The following MGAT5 variants were observed in gnomAD, a reference collection of about 807,000 sequenced individuals.
MGAT5 encodes the protein alpha-1,6-mannosylglycoprotein 6-beta-N-acetylglucosaminyltransferase, also known as alpha-1,6-mannosylglycoprotein 6-beta-N-acetylglucosaminyltransferase A.
A neutral mutation model predicts 94.3 loss-of-function variants in MGAT5; 30 were observed. The ratio of observed to expected loss-of-function variants is 0.32; its 90% confidence interval spans 0.24 to 0.43. MGAT5 has a LOEUF of 0.43. MGAT5 is among the 20% of genes least tolerant of loss of function. The pLI is 1.00. For synonymous variants in MGAT5, 310 were observed against 322.9 expected (o/e 0.96, Z 0.43); for missense variants, 691 against 905.5 (o/e 0.76, Z 3.04).
At chr2:134,341,548 T>C (rs1558806557) in intron 6 of MGAT5, 42 bp from the exon 7 acceptor site, 3 of 1,510,272 alleles carry the variant, frequency 2.0e-6, no homozygotes, top group South Asian at 1.3e-5. Context: ...GCCTTTTGTA[T>C]GTGGTTCAGT....
At chr2:134,401,419 T>C (rs560690926) in intron 10 of MGAT5, among the ~76,000 whole-genome samples, 1 of 152,250 alleles carries the variant, frequency 6.6e-6, no homozygotes, top group African/African-American at 2.4e-5. Flanking sequence ...TGCTACATCA[T>C]TCCTGGGCTG....
At chr2:134,184,553 A>T (rs985977883) in intron 1 of MGAT5, among the ~76,000 whole-genome samples, 1 of 152,030 alleles carries the variant, frequency 6.6e-6, no homozygotes, top group South Asian at 2.1e-4. Flanking sequence ...CATATGGGAG[A>T]TGTTTCTTCT....
Position 134,318,309 on chromosome 2 carries a change from G to C in MGAT5, c.484-341G>C, listed in dbSNP as rs528936865. On this transcript the variant is annotated intron_variant, in intron 3 of 15. Transcript: ENST00000281923. The stretch of plus-strand genomic sequence containing the variant: ...GCTGTTGGAACTGGAGTTCCTGGAG[G>C]GGGTGTAGATATCAGAGTCCCATTA... 8.2e-4 allele frequency among the ~76,000 whole-genome samples: 125 copies of C among 152,192 alleles called. 1 individual carries two copies. Among genetic ancestry groups the C allele is most frequent in the African/African-American group, 2.8e-3 (117 of 41,526 alleles).
intron 1 of MGAT5, among the ~76,000 whole-genome samples, chr2:134,126,950 TGAG>T (rs753202494): frequency 3.3e-5 from 5 of 151,958 alleles, no homozygotes; most frequent in Non-Finnish European, 5.9e-5. Flanking sequence ...TCCATGCCGG[TGAG>T]GAGTTTTCTG....
chr2:134,283,831 TG>T (rs905045160), intron 2 of MGAT5, among the ~76,000 whole-genome samples: 2 of 151,620 alleles, frequency 1.3e-5, no homozygotes, highest in African/African-American at 4.8e-5. Flanking sequence ...CCCCGGCCGC[TG>T]GGTTCTCTTT....
chr2:134,309,502 T>G (rs999776166), intron 2 of MGAT5, among the ~76,000 whole-genome samples: 1 of 152,204 alleles, frequency 6.6e-6, no homozygotes, highest in Non-Finnish European at 1.5e-5. Context: ...TTATAACTAT[T>G]TTAGTTGATG....
rs186159991 is a variant in MGAT5 at position 134,360,726 on chromosome 2, G to T, written c.1247-1549G>T. ...TCCCTATGCCCTCAGCTTCTCAAAA[G>T]GGGGGAGAAAAGCAACTATCGCCTC... On this transcript the variant is annotated intron_variant, in intron 9 of 15. Coordinates refer to ENST00000281923, the MANE Select transcript of MGAT5 (RefSeq NM_002410.5). Among the ~76,000 whole-genome samples, 496 of 152,300 alleles carry T rather than the reference G, an allele frequency of 3.3e-3. 3 individuals are homozygous for T. Among genetic ancestry groups the T allele is most frequent in the African/African-American group, 0.011 (457 of 41,560 alleles).
intron 4 of MGAT5, among the ~76,000 whole-genome samples, chr2:134,333,837 G>A (rs1688158280): frequency 6.6e-6 from 1 of 152,164 alleles, no homozygotes; most frequent in Non-Finnish European, 1.5e-5. Context: ...TATTGCCAAT[G>A]CTGGCTTTCT....
intron 10 of MGAT5, among the ~76,000 whole-genome samples, chr2:134,393,587 G>A (rs772781095): frequency 1.3e-5 from 2 of 152,186 alleles, no homozygotes; most frequent in Non-Finnish European, 1.5e-5. Flanking sequence ...ACCAGAAGGG[G>A]CATTGCAACC....
At chr2:134,400,623 G>A (rs1682987990) in intron 10 of MGAT5, among the ~76,000 whole-genome samples, 1 of 152,092 alleles carries the variant, frequency 6.6e-6, no homozygotes, top group African/African-American at 2.4e-5. Context: ...CTAATCTTGA[G>A]TCTGTCTACA....
intron 9 of MGAT5, among the ~76,000 whole-genome samples, chr2:134,356,708 C>T (rs913035445): frequency 7.2e-5 from 11 of 152,148 alleles, no homozygotes; most frequent in Non-Finnish European, 1.0e-4. Flanking sequence ...TCGCTTACTA[C>T]GCGGCTTTTT....
At chr2:134,394,752 T>C (rs1682611135) in intron 10 of MGAT5, among the ~76,000 whole-genome samples, 1 of 152,192 alleles carries the variant, frequency 6.6e-6, no homozygotes, top group Admixed American at 6.5e-5. Flanking sequence ...CCATGCAGTT[T>C]TCCAAAATTC....
At chr2:134,139,040 A>G (rs188262818) in intron 1 of MGAT5, among the ~76,000 whole-genome samples, 52 of 152,324 alleles carry the variant, frequency 3.4e-4, no homozygotes, top group Non-Finnish European at 4.0e-4. Context: ...CCTTCTGAAG[A>G]TGAGTTCTGC....
At chr2:134,217,709 T>G (rs1181923822) in intron 1 of MGAT5, among the ~76,000 whole-genome samples, 1 of 152,212 alleles carries the variant, frequency 6.6e-6, no homozygotes, top group Non-Finnish European at 1.5e-5. Context: ...GCTCACCTCC[T>G]GCTGTGGATT....
chr2:134,380,101 G>A (rs371406673), intron 10 of MGAT5, among the ~76,000 whole-genome samples: 7 of 152,322 alleles, frequency 4.6e-5, no homozygotes, highest in South Asian at 4.1e-4. Context: ...AGGTTTGCTT[G>A]GAGATTCCTT....
chr2:134,294,707 C>T (rs1332878800), intron 2 of MGAT5, among the ~76,000 whole-genome samples: 1 of 152,200 alleles, frequency 6.6e-6, no homozygotes, highest in East Asian at 1.9e-4. Flanking sequence ...ACTTTATGTT[C>T]TTAGCTCCCA....
At chr2:134,150,712 T>A (rs1284607223) in intron 1 of MGAT5, among the ~76,000 whole-genome samples, 2 of 152,232 alleles carry the variant, frequency 1.3e-5, no homozygotes, top group East Asian at 1.9e-4. Context: ...CAGTTTTAAA[T>A]ATTTACATTG....
chr2:134,384,158 A>T (rs1356202612), intron 10 of MGAT5, among the ~76,000 whole-genome samples: 1 of 151,462 alleles, frequency 6.6e-6, no homozygotes, highest in African/African-American at 2.4e-5. Context: ...GGTAGAGTTG[A>T]GTACCATAGG....
intron 11 of MGAT5, among the ~76,000 whole-genome samples, chr2:134,409,243 G>GGT (rs1312939689): frequency 1.3e-5 from 2 of 152,194 alleles, no homozygotes. Context: ...ACTATCTCAT[G>GGT]TAATCCTCAC....
Sources: gnomAD v4.1 joint callset for allele counts (sites outside exome capture counted in the v4.1 genomes callset) on GRCh38, gnomAD v4.1.1 for gene constraint, MANE v1.5 for transcripts, NCBI Gene and HGNC (gene_info 2026-07-23, HGNC 2026-07-21) for gene names.